The following ROBO3 variants were observed in gnomAD, a reference collection of about 807,000 sequenced individuals.
ROBO3 encodes roundabout homolog 3.
ROBO3 carries 97 observed loss-of-function variants against 160.5 expected under a neutral mutation model. That is an observed-to-expected ratio of 0.60 (90% confidence interval 0.51 to 0.72). ROBO3 has a LOEUF of 0.72. Ranked by LOEUF, ROBO3 falls within the 30% of genes least tolerant of loss-of-function variation. The probability of loss-of-function intolerance (pLI) is 0.00; values close to 1 mark genes in which losing one functional copy is unlikely to be tolerated. For missense variants in ROBO3, 1,858 were observed against 1,846.5 expected, an observed-to-expected ratio of 1.01 and a Z score of -0.11; for synonymous variants, 780 against 746.2, an observed-to-expected ratio of 1.05 and a Z score of -0.74.
chr11:124,870,787 G>A, intron 6 of ROBO3, 59 bp downstream of exon 6: 3 of 1,588,682 alleles, frequency 1.9e-6, no homozygotes, highest in Non-Finnish European at 2.6e-6. Context: ...GAAGGAGGAT[G>A]GTTGGCAAGA....
intron 6 of ROBO3, 75 bp downstream of exon 6, chr11:124,870,803 A>C: frequency 6.4e-7 from 1 of 1,571,764 alleles, no homozygotes. Flanking sequence ...CAAGAGACTG[A>C]GGGAGAAAGG....
At position 124,878,052 on chromosome 11, in the gene ROBO3, G is replaced by C; in HGVS notation, c.3102G>C (p.Gly1034=). 6.2e-7 allele frequency: 1 copy of C among 1,612,644 alleles called. No homozygotes were observed. Among genetic ancestry groups the C allele is most frequent in the East Asian group, 2.2e-5 (1 of 44,834 alleles). The change falls in exon 21 of 28, where the codon GGG becomes GGC. Residue 1034 remains glycine, a synonymous_variant. Transcript: ENST00000397801. This position sits in a 1 kb window ranked among gnomAD's most constrained non-coding sequence, Gnocchi z 4.3. Reference sequence around the variant, plus strand: ...GGGAGGAGCTGCAGACCTTCCATGGGGGCTTCCCCCAACATCCCTCAGGAG... The same window carrying C: ...GGGAGGAGCTGCAGACCTTCCATGGCGGCTTCCCCCAACATCCCTCAGGAG... ...PAGEELQTFH[G]GFPQHPSGDL...
At chr11:124,875,392 G>GCCTCTCTGTGACC in intron 14 of ROBO3, 56 bp downstream of exon 14, 2 of 932,756 alleles carry the variant, frequency 2.1e-6, no homozygotes, top group Non-Finnish European at 3.2e-6. Flanking sequence ...GGTGGGGGTG[G>GCCTCTCTGTGACC]AGGTGGAGGG....
Position 124,871,142 on chromosome 11 carries a change from G to T in ROBO3, c.1158+4G>T. The T allele has an allele frequency of 6.2e-7, 1 of 1,611,716 alleles. No individual in the cohort carries two copies. ...CTGGCAGAAGGAGGGGAGTCAGGTG[G>T]GTGGCCATCTCCAAGGAGCTTCCCA... On this transcript the variant is annotated splice_donor_region_variant and intron_variant, in intron 7 of 27. Transcript: ENST00000397801.
intron 26 of ROBO3, 119 bp from the exon 27 acceptor site, chr11:124,880,299 C>A: frequency 6.8e-7 from 1 of 1,480,790 alleles, no homozygotes; most frequent in Non-Finnish European, 9.0e-7. Context: ...GCTGGCTGAG[C>A]CCTGTGCCTG....
Position 124,869,347 on chromosome 11 carries a change from TCTGCAGCGATCAAC to T in ROBO3, c.488-101_488-88del, listed in dbSNP as rs923786212. Reference sequence around the variant, plus strand: ...TTTCTCACCTGGGAACGAATTCCAGTCTGCAGCGATCAACCCCTTCCCAAGACAACACTTTCCCT... The same window carrying T: ...TTTCTCACCTGGGAACGAATTCCAGTCCCTTCCCAAGACAACACTTTCCCT... On this transcript the variant is annotated intron_variant, in intron 2 of 27. Transcript: ENST00000397801. This position sits in a 1 kb window ranked among gnomAD's most constrained non-coding sequence, Gnocchi z 4.2. 12 of 1,199,306 alleles carry T rather than the reference TCTGCAGCGATCAAC, an allele frequency of 1.0e-5. No homozygotes were observed. The highest frequency in any genetic ancestry group is 2.7e-4 in the Middle Eastern group (1 of 3,724). The allele number at this position is 1,199,306 out of a possible 1,614,324, so 74.3% of individuals were successfully genotyped here.
In ROBO3 at chr11:124,873,399, T is replaced by A; in HGVS notation, c.1618+8T>A. ...GCTGGCTTAAGATGCGGGGTGAGTTTTTTCTTTCTTCCCTTATTTTGATAA... is the reference window on the plus strand; with the variant it reads ...GCTGGCTTAAGATGCGGGGTGAGTTATTTCTTTCTTCCCTTATTTTGATAA... On this transcript the variant is annotated splice_region_variant and intron_variant, in intron 10 of 27. Coordinates refer to ENST00000397801, the MANE Select transcript of ROBO3 (RefSeq NM_022370.4). The surrounding 1 kb of genome is among the most constrained non-coding windows in gnomAD (Gnocchi z 4.5). 6.2e-7 allele frequency: 1 copy of A among 1,607,684 alleles called. No homozygotes were observed.
rs1363644687 is a variant in ROBO3 at position 124,873,267 on chromosome 11, T to G, written c.1537-43T>G. 1.3e-6 allele frequency: 2 copies of G among 1,559,718 alleles called. No individual in the cohort carries two copies. Among genetic ancestry groups the G allele is most frequent in the Non-Finnish European group, 8.7e-7 (1 of 1,142,990 alleles). Reference sequence around the variant, plus strand: ...CCCGCCTCCACCCCCTCACTGGATCTTGCTCCACTCTCAGTTTGCCAGTGC... The same window carrying G: ...CCCGCCTCCACCCCCTCACTGGATCGTGCTCCACTCTCAGTTTGCCAGTGC... On this transcript the variant is annotated intron_variant, in intron 9 of 27. Coordinates refer to ENST00000397801, the MANE Select transcript of ROBO3 (RefSeq NM_022370.4). This position sits in a 1 kb window ranked among gnomAD's most constrained non-coding sequence, Gnocchi z 4.5.
At chr11:124,871,325 C>T (rs921563003) in intron 7 of ROBO3, among the ~76,000 whole-genome samples, 187 bp downstream of exon 7, 3 of 152,218 alleles carry the variant, frequency 2.0e-5, no homozygotes, top group Non-Finnish European at 4.4e-5. Context: ...CACATTGGGA[C>T]ACTTTTTAAT....
intron 6 of ROBO3, 92 bp from the exon 7 acceptor site, chr11:124,870,922 G>C (rs1946272771): frequency 2.6e-6 from 4 of 1,548,932 alleles, no homozygotes; most frequent in Admixed American, 1.8e-5. Context: ...CTGTACACTT[G>C]AGCTAAGCTG....
chr11:124,865,787 G>A lies in ROBO3; in HGVS notation c.160+50G>A. ...TGGGATCCTGGGATGGGGATGAGGT[G>A]AGAGGGCGGCGTGGAAGGGAAGGAG... On this transcript the variant is annotated intron_variant, in intron 1 of 27. Transcript: ENST00000397801. The surrounding 1 kb of genome is among the most constrained non-coding windows in gnomAD (Gnocchi z 5.5). The A allele has an allele frequency of 1.3e-6, 2 of 1,539,180 alleles. No homozygotes were observed. Among genetic ancestry groups the A allele is most frequent in the Non-Finnish European group, 1.8e-6 (2 of 1,141,828 alleles).
At position 124,865,643 on chromosome 11, in the gene ROBO3, C is replaced by T. The variant is rs761437514; in HGVS notation, c.66C>T (p.Asp22=). Residue 22 remains aspartate, a synonymous_variant, in exon 1 of 28, where the codon GAC becomes GAT. Transcript: ENST00000397801. The surrounding 1 kb of genome is among the most constrained non-coding windows in gnomAD (Gnocchi z 5.5). ...MNLFADSLAG[D]ISNSSELLLG... is the part of the protein sequence containing the mutation. Reference sequence around the variant, plus strand: ...TGTTCGCGGACTCTCTGGCCGGGGACATCTCCAACTCCAGCGAGCTGCTCT... The same window carrying T: ...TGTTCGCGGACTCTCTGGCCGGGGATATCTCCAACTCCAGCGAGCTGCTCT... 2.5e-6 allele frequency: 4 copies of T among 1,613,030 alleles called. No individual in the cohort carries two copies. The South Asian group carries it at 3.3e-5, about 13-fold the overall frequency.
Position 124,877,584 on chromosome 11 carries a change from G to T in ROBO3, c.2912G>T (p.Arg971Leu), listed in dbSNP as rs1223329790. 1.9e-6 allele frequency: 3 copies of T among 1,605,314 alleles called. No individual in the cohort carries two copies. The highest frequency in any genetic ancestry group is 2.5e-6 in the Non-Finnish European group (3 of 1,176,488). ...GCAGATTCGTGGCCCCACCCATCTC[G>T]AAGCCCCTCGGCCCAGGAACCCAGG... Reference protein sequence around the residue: ...WLADSWPHPSRSPSAQEPRGS... With the variant: ...WLADSWPHPSLSPSAQEPRGS... Residue 971 changes from arginine (R) to leucine (L), a missense_variant, in exon 20 of 28, where the codon CGA becomes CTA. Physicochemically the swap from Arg to Leu is moderately radical, Grantham distance 102 (BLOSUM62 -2). Coordinates refer to ENST00000397801, the MANE Select transcript of ROBO3 (RefSeq NM_022370.4).
At chr11:124,875,489 G>A in intron 14 of ROBO3, 75 bp from the exon 15 acceptor site, 1 of 1,593,492 alleles carries the variant, frequency 6.3e-7, no homozygotes. Flanking sequence ...GAACAGGGAG[G>A]GGGAATGTTG....
chr11:124,880,748 G>A, intron 27 of ROBO3, 140 bp downstream of exon 27: 1 of 1,109,832 alleles, frequency 9.0e-7, no homozygotes, highest in Non-Finnish European at 1.2e-6. Context: ...GGGGGAGGGA[G>A]GAATCCTGTA....
chr11:124,878,117 G>A lies in ROBO3; in HGVS notation c.3167G>A (p.Ser1056Asn). 1 of 1,607,296 alleles carries A rather than the reference G, an allele frequency of 6.2e-7. No individual in the cohort carries two copies. The highest frequency in any genetic ancestry group is 8.5e-7 in the Non-Finnish European group (1 of 1,177,410). ...PWSQYAPPEW[S>N]QGDSGAKGGK... ...AGCCAGTACGCTCCTCCAGAGTGGA[G>A]CCAGGGGGACAGTGGTATGACTCCA... Residue 1056 changes from serine to asparagine, a missense_variant, in exon 21 of 28, where the codon AGC becomes AAC. Coordinates refer to ENST00000397801, the MANE Select transcript of ROBO3 (RefSeq NM_022370.4). The surrounding 1 kb of genome is among the most constrained non-coding windows in gnomAD (Gnocchi z 4.3).
chr11:124,866,880 T>C (rs765800218), intron 1 of ROBO3, among the ~76,000 whole-genome samples: 1 of 152,068 alleles, frequency 6.6e-6, no homozygotes, highest in African/African-American at 2.4e-5. Flanking sequence ...TCCAACCTCT[T>C]GACCCTCCTA....
chr11:124,870,615 G>A lies in ROBO3; in HGVS notation c.920G>A (p.Ser307Asn). Residue 307 changes from serine (S) to asparagine (N), a missense_variant, in exon 6 of 28, where the codon AGT becomes AAT. Transcript: ENST00000397801. ...GAGTGGAGCAGGTATGAGATCCGGAGTGACCACAGCCTTTGGATTGGGCAT... is the reference window on the plus strand; with the variant it reads ...GAGTGGAGCAGGTATGAGATCCGGAATGACCACAGCCTTTGGATTGGGCAT... ...ELPTGRYEIRSDHSLWIGHVS... is the reference protein window; with the variant it reads ...ELPTGRYEIRNDHSLWIGHVS... 10 of 1,613,824 alleles carry A rather than the reference G, an allele frequency of 6.2e-6. No homozygotes were observed. Among genetic ancestry groups the A allele is most frequent in the Non-Finnish European group, 8.5e-6 (10 of 1,179,860 alleles).
rs1444183305 is a variant in ROBO3, at chr11:124,875,962, C to T, written c.2430C>T (p.Cys810=). The T allele has an allele frequency of 6.3e-7, 1 of 1,597,274 alleles. No individual in the cohort carries two copies. The highest frequency in any genetic ancestry group is 8.5e-7 in the Non-Finnish European group (1 of 1,172,158). Residue 810 remains cysteine, a synonymous_variant, in exon 16 of 28, where the codon TGC becomes TGT. Transcript: ENST00000397801. Reference sequence around the variant, plus strand: ...GGACTCGGCCTCCCTAGATCTGGTGCCTGGGCAATGAGAGCCGCTTTCACC... The same window carrying T: ...GGACTCGGCCTCCCTAGATCTGGTGTCTGGGCAATGAGAGCCGCTTTCACC... ...NGVITEYQIW[C]LGNESRFHLN...
Sources: gnomAD v4.1 joint callset for allele counts (sites outside exome capture counted in the v4.1 genomes callset) on GRCh38, gnomAD v4.1.1 for gene constraint, Gnocchi (gnomAD v3.1) non-coding constraint, MANE v1.5 for transcripts, NCBI Gene and HGNC (gene_info 2026-07-23, HGNC 2026-07-21) for gene names.